Variants in TMEM272 observed in about 807,000 individuals in gnomAD.
TMEM272 encodes the protein transmembrane protein 272.
In TMEM272, 8 loss-of-function variants were observed where a neutral mutation model predicts 3.7. The ratio of observed to expected loss-of-function variants is 2.17; its 90% confidence interval spans 1.27 to 3.91. The LOEUF (loss-of-function observed/expected upper bound fraction) is 3.91, where lower values mean the gene tolerates loss of function less well. Ranked by LOEUF, TMEM272 falls within the 30% of genes most tolerant of loss-of-function variation. TMEM272 has a pLI of 0.00. For synonymous variants in TMEM272, 63 were observed against 39.8 expected (o/e 1.58, Z -2.20); for missense variants, 166 against 91.5 (o/e 1.81, Z -3.32).
the TMEM272 span, among the ~76,000 whole-genome samples, chr13:51,892,285 C>A: frequency 1.6e-4 from 24 of 152,282 alleles, no homozygotes; most frequent in South Asian, 1.5e-3. Flanking sequence ...TTTATCGAAG[C>A]CTGGAAGTGG....
chr13:51,871,059 T>C, the TMEM272 span, among the ~76,000 whole-genome samples: 5 of 151,488 alleles, frequency 3.3e-5, no homozygotes, highest in African/African-American at 1.2e-4. Context: ...CTCCCCACCA[T>C]AGGAGCCAAC....
chr13:51,864,814 T>C, the TMEM272 span, among the ~76,000 whole-genome samples: 3 of 152,302 alleles, frequency 2.0e-5, no homozygotes, highest in Admixed American at 2.0e-4. Context: ...ACATTCACCA[T>C]CGTCTCTCAC....
the TMEM272 span, chr13:51,933,853 G>C: frequency 6.6e-6 from 1 of 152,232 alleles, no homozygotes; most frequent in Non-Finnish European, 1.5e-5. Context: ...AGCACCACAG[G>C]CTGGGCAGGG....
chr13:51,893,205 A>C, the TMEM272 span, among the ~76,000 whole-genome samples: 2 of 152,330 alleles, frequency 1.3e-5, no homozygotes, highest in African/African-American at 4.8e-5. Context: ...TCAGATGGAG[A>C]TTAGCTTAGT....
the TMEM272 span, among the ~76,000 whole-genome samples, chr13:51,888,396 T>A: frequency 6.6e-6 from 1 of 152,102 alleles, no homozygotes; most frequent in South Asian, 2.1e-4. Context: ...GGATCCCACC[T>A]CTGTAACCTC....
the TMEM272 span, among the ~76,000 whole-genome samples, chr13:51,920,919 G>A: frequency 2.6e-5 from 4 of 152,194 alleles, no homozygotes; most frequent in African/African-American, 7.2e-5. Flanking sequence ...CTGCCCCATC[G>A]TGCCTGAGGC....
At chr13:51,836,270 C>T (rs182043304) in intron 2 of TMEM272, among the ~76,000 whole-genome samples, 1 of 152,244 alleles carries the variant, frequency 6.6e-6, no homozygotes, top group East Asian at 1.9e-4. Flanking sequence ...TCCCCAGCTG[C>T]CGGCCTCTCA....
the TMEM272 span, among the ~76,000 whole-genome samples, chr13:51,886,040 T>C: frequency 6.6e-6 from 1 of 152,342 alleles, no homozygotes; most frequent in East Asian, 1.9e-4. Context: ...TTCAGAAGGC[T>C]TTCTTCCATG....
the TMEM272 span, among the ~76,000 whole-genome samples, chr13:51,902,952 G>C: frequency 6.6e-6 from 1 of 152,222 alleles, no homozygotes; most frequent in African/African-American, 2.4e-5. Context: ...TCTTCAGGAA[G>C]CAGGTGGCTG....
At chr13:51,866,300 C>G in the TMEM272 span, 1 of 494,550 alleles carries the variant, frequency 2.0e-6, no homozygotes, top group East Asian at 3.2e-5. Context: ...GTTCCCACCT[C>G]TGGGCCACAG....
At chr13:51,844,112 T>C (rs1371215418) in intron 1 of TMEM272, among the ~76,000 whole-genome samples, 2 of 140,474 alleles carry the variant, frequency 1.4e-5, no homozygotes, top group East Asian at 5.0e-4. Context: ...AAACTTTCTA[T>C]GTCTGTCTAA....
chr13:51,886,371 T>C, the TMEM272 span, among the ~76,000 whole-genome samples: 3 of 152,240 alleles, frequency 2.0e-5, no homozygotes, highest in Non-Finnish European at 4.4e-5. Flanking sequence ...ATCTTCTAAA[T>C]GCCACACATA....
At chr13:51,853,867 T>A in the TMEM272 span, among the ~76,000 whole-genome samples, 22 of 152,252 alleles carry the variant, frequency 1.4e-4, no homozygotes, top group Admixed American at 1.4e-3. Context: ...TCATACTGGT[T>A]ACCTTTGAGT....
the TMEM272 span, among the ~76,000 whole-genome samples, chr13:51,860,671 A>G: frequency 6.6e-6 from 1 of 150,534 alleles, no homozygotes; most frequent in Admixed American, 6.6e-5. Flanking sequence ...AAAGGAAAGA[A>G]TTAAAAACTA....
At chr13:51,867,453 C>A in the TMEM272 span, among the ~76,000 whole-genome samples, 2 of 152,130 alleles carry the variant, frequency 1.3e-5, no homozygotes, top group Non-Finnish European at 2.9e-5. Context: ...TTAAAGTACA[C>A]TAGGATTTCA....
At chr13:51,817,213 G>A (rs1435721571) in intron 4 of TMEM272, 100 bp from the exon 5 acceptor site, 1 of 608,560 alleles carries the variant, frequency 1.6e-6, no homozygotes, top group Non-Finnish European at 3.0e-6. Context: ...GGCAGGGAGA[G>A]AGAAAGAGGA....
chr13:51,894,016 A>G, the TMEM272 span, among the ~76,000 whole-genome samples: 1 of 152,240 alleles, frequency 6.6e-6, no homozygotes, highest in African/African-American at 2.4e-5. Context: ...GGAAGGCCTG[A>G]GACAGGCCAG....
At chr13:51,845,718 G>A (rs1478855612), upstream of TMEM272, among the ~76,000 whole-genome samples, 1 of 152,210 alleles carries the variant, frequency 6.6e-6, no homozygotes, top group Non-Finnish European at 1.5e-5. Flanking sequence ...TGTCTGTATT[G>A]TAAGCAAGCA....
the TMEM272 span, among the ~76,000 whole-genome samples, chr13:51,884,027 C>A: frequency 1.3e-5 from 2 of 152,180 alleles, no homozygotes; most frequent in Non-Finnish European, 2.9e-5. Context: ...ACACTGGCAA[C>A]GTGGAGGGAC....
Sources: allele counts gnomAD v4.1 joint callset (sites outside exome capture counted in the v4.1 genomes callset), GRCh38; gene constraint gnomAD v4.1.1; transcripts MANE v1.5; gene names NCBI Gene and HGNC (gene_info 2026-07-23, HGNC 2026-07-21).